The following PELI1 variants were observed in gnomAD, a reference collection of about 807,000 sequenced individuals.
PELI1 encodes the protein E3 ubiquitin-protein ligase pellino homolog 1.
A neutral mutation model predicts 41.3 loss-of-function variants in PELI1; 15 were observed. The observed-to-expected ratio is 0.36, with a 90% CI of 0.24 to 0.56. The LOEUF (loss-of-function observed/expected upper bound fraction) is 0.56, where lower values mean the gene tolerates loss of function less well. Ranked by LOEUF, PELI1 falls within the 20% of genes least tolerant of loss-of-function variation. The pLI is 0.82. For synonymous variants in PELI1, 178 were observed against 180.1 expected (o/e 0.99, Z 0.09); for missense variants, 403 against 525.5 (o/e 0.77, Z 2.28).
chr2:64,114,100 AAG>A (rs1419728224), intron 1 of PELI1, among the ~76,000 whole-genome samples: 1 of 152,218 alleles, frequency 6.6e-6, no homozygotes, highest in African/African-American at 2.4e-5. Context: ...CTGAGAAAAA[AAG>A]GAAAATGTTT....
intron 4 of PELI1, among the ~76,000 whole-genome samples, chr2:64,098,282 G>C (rs1680310454): frequency 6.6e-6 from 1 of 152,114 alleles, no homozygotes; most frequent in Non-Finnish European, 1.5e-5. Flanking sequence ...ACCCTCATGA[G>C]AAAACTCAAT....
chr2:64,133,619 A>T (rs1681627786), intron 1 of PELI1, among the ~76,000 whole-genome samples: 1 of 152,088 alleles, frequency 6.6e-6, no homozygotes, highest in African/African-American at 2.4e-5. Flanking sequence ...CTCAAGCTCA[A>T]AGAGGTTAAA....
chr2:64,141,696 A>G (rs1681919884), intron 1 of PELI1, among the ~76,000 whole-genome samples: 1 of 152,232 alleles, frequency 6.6e-6, no homozygotes, highest in South Asian at 2.1e-4. Flanking sequence ...CTGAACTTAA[A>G]TCAAATGGAA....
chr2:64,130,613 C>T (rs1447367229), intron 1 of PELI1, among the ~76,000 whole-genome samples: 1 of 152,174 alleles, frequency 6.6e-6, no homozygotes, highest in East Asian at 1.9e-4. Flanking sequence ...CTGTCTTGCT[C>T]ATTTTGCAGC....
chr2:64,143,461 T>C (rs1242939892), intron 1 of PELI1: 1 of 152,114 alleles, frequency 6.6e-6, no homozygotes, highest in East Asian at 1.9e-4. Flanking sequence ...AGCGTATCCA[T>C]CAATTTGAGA....
rs773180379 is a variant in PELI1 at position 64,095,249 on chromosome 2, T to C, written c.710A>G (p.Gln237Arg). ...GTCAATTAACGAGCCATCTTGTAAC[T>C]GATTGGTTTCAATTTCCACCTAGAG... ...RGKMVEIETN[Q>R]LQDGSLIDLC... is the part of the protein sequence containing the mutation. Residue 237 changes from glutamine (Q) to arginine (R), a missense_variant, in exon 7 of 7, where the codon CAG (glutamine) becomes CGG (arginine). Coordinates refer to ENST00000358912, the MANE Select transcript of PELI1 (RefSeq NM_020651.4). The C allele has an allele frequency of 5.0e-5, 80 of 1,612,880 alleles. No homozygotes were observed. Among genetic ancestry groups the C allele is most frequent in the Non-Finnish European group, 6.5e-5 (77 of 1,179,074 alleles).
chr2:64,104,921 C>A, intron 2 of PELI1, 91 bp from the exon 3 acceptor site: 1 of 1,053,826 alleles, frequency 9.5e-7, no homozygotes, highest in Non-Finnish European at 1.4e-6. Context: ...AATCAATTCC[C>A]AATTAATTAT....
At chr2:64,136,217 A>G (rs913242945) in intron 1 of PELI1, among the ~76,000 whole-genome samples, 12 of 152,208 alleles carry the variant, frequency 7.9e-5, no homozygotes, top group Non-Finnish European at 1.5e-4. Flanking sequence ...GATGAATCAA[A>G]GGTTTTAAAA....
chr2:64,109,649 C>T (rs1256282383), intron 1 of PELI1, among the ~76,000 whole-genome samples: 1 of 152,080 alleles, frequency 6.6e-6, no homozygotes, highest in East Asian at 1.9e-4. Flanking sequence ...CCACTGCACT[C>T]CAACCTGGGC....
At chr2:64,128,514 C>T (rs1222697728) in intron 1 of PELI1, among the ~76,000 whole-genome samples, 1 of 152,088 alleles carries the variant, frequency 6.6e-6, no homozygotes, top group Non-Finnish European at 1.5e-5. Context: ...ACATCCCACC[C>T]CCAAAGCAGA....
chr2:64,099,955 GT>G (rs1461066816), intron 4 of PELI1, among the ~76,000 whole-genome samples: 1 of 152,204 alleles, frequency 6.6e-6, no homozygotes, highest in Admixed American at 6.5e-5. Flanking sequence ...TGCCTGGATT[GT>G]TTATTGTCTA....
chr2:64,096,109 A>G lies in PELI1; in HGVS notation c.690+16T>C. 4 of 1,577,438 alleles carry G rather than the reference A, an allele frequency of 2.5e-6. No homozygotes were observed. Among genetic ancestry groups the G allele is most frequent in the Non-Finnish European group, 3.5e-6 (4 of 1,150,118 alleles). ...GTTTATTGTAGCTAATTAAGAAAAT[A>G]CCATTCAGTATTTACCATTTTTCCT... On this transcript the variant is annotated intron_variant, in intron 6 of 6. Transcript: ENST00000358912.
intron 1 of PELI1, among the ~76,000 whole-genome samples, chr2:64,140,579 TG>T (rs1286377855): frequency 1.3e-5 from 2 of 151,916 alleles, no homozygotes; most frequent in Admixed American, 6.6e-5. Flanking sequence ...TCCAATCAGA[TG>T]TTTATGTTTT....
chr2:64,097,094 C>A (rs1350895887), intron 4 of PELI1, among the ~76,000 whole-genome samples: 3 of 152,182 alleles, frequency 2.0e-5, no homozygotes, highest in Non-Finnish European at 4.4e-5. Context: ...TCTTCAGGTG[C>A]TACAAGAGGT....
chr2:64,094,562 T>C lies in PELI1; in HGVS notation c.*140A>G, dbSNP rs1412807399. On this transcript the variant is annotated 3_prime_UTR_variant, in exon 7 of 7. Coordinates refer to ENST00000358912, the MANE Select transcript of PELI1 (RefSeq NM_020651.4). ...GATTTTTGCTCAGAAATTGCTACTATTTATTATAAATGTTTTAAAAAATTC... is the reference window on the plus strand; with the variant it reads ...GATTTTTGCTCAGAAATTGCTACTACTTATTATAAATGTTTTAAAAAATTC... 1.8e-5 allele frequency: 10 copies of C among 543,874 alleles called. No individual in the cohort carries two copies. The highest frequency in any genetic ancestry group is 5.9e-5 in the East Asian group (2 of 34,144). 33.7% of individuals were successfully genotyped at this position (543,874 alleles called of 1,614,324 possible).
At position 64,093,343 on chromosome 2, in the gene PELI1, A is replaced by G. The variant is rs1268735400; in HGVS notation, c.*1359T>C. On this transcript the variant is annotated 3_prime_UTR_variant, in exon 7 of 7. Coordinates refer to ENST00000358912, the MANE Select transcript of PELI1 (RefSeq NM_020651.4). ...CTAAAGGAAAACAAATCAAAATATT[A>G]AAAGAAGATACTGTCTAATCTAAAA... is the stretch of plus-strand genomic sequence containing the variant. 6.5e-6 allele frequency: 1 copy of G among 152,682 alleles called. No individual in the cohort carries two copies. The highest frequency in any genetic ancestry group is 1.5e-5 in the Non-Finnish European group (1 of 68,044). 9.5% of individuals were successfully genotyped at this position (152,682 alleles called of 1,614,324 possible).
chr2:64,132,489 C>A (rs1576101218), intron 1 of PELI1, among the ~76,000 whole-genome samples: 1 of 152,048 alleles, frequency 6.6e-6, no homozygotes, highest in East Asian at 1.9e-4. Flanking sequence ...GTCAACTGTC[C>A]AAGGCAAAAG....
chr2:64,133,568 G>T (rs1370053551), intron 1 of PELI1, among the ~76,000 whole-genome samples: 1 of 152,006 alleles, frequency 6.6e-6, no homozygotes, highest in Non-Finnish European at 1.5e-5. Context: ...TCCAAAGAGG[G>T]TGTGAGTGAT....
rs1576098829 is a variant in PELI1 at position 64,129,866 on chromosome 2, G to T, written c.-70+14215C>A. 2.6e-5 allele frequency among the ~76,000 whole-genome samples: 4 copies of T among 152,290 alleles called. No homozygotes were observed. The South Asian group carries it at 8.3e-4, about 32-fold the overall frequency. On this transcript the variant is annotated intron_variant, in intron 1 of 6. Transcript: ENST00000358912. ...AGTCACAGGAATTTCTTAAATGATAGAAGATTAAAGTAGCACTTTTTAAGG... is the reference window on the plus strand; with the variant it reads ...AGTCACAGGAATTTCTTAAATGATATAAGATTAAAGTAGCACTTTTTAAGG...
Sources: allele counts gnomAD v4.1 joint callset (sites outside exome capture counted in the v4.1 genomes callset), GRCh38; gene constraint gnomAD v4.1.1; transcripts MANE v1.5; gene names NCBI Gene and HGNC (gene_info 2026-07-23, HGNC 2026-07-21).